The following RALGPS2 variants were observed in gnomAD, a reference collection of about 807,000 sequenced individuals.
RALGPS2 encodes ras-specific guanine nucleotide-releasing factor RalGPS2.
Under a neutral mutation model 86.8 loss-of-function variants are expected in RALGPS2, and 43 were observed. The ratio of observed to expected loss-of-function variants is 0.50; its 90% CI spans 0.39 to 0.64. RALGPS2 has a LOEUF of 0.64. Ranked by LOEUF, RALGPS2 falls within the 30% of genes least tolerant of loss-of-function variation. The pLI, the probability that RALGPS2 is intolerant of heterozygous loss-of-function variation, is 0.00. For missense variants in RALGPS2, 536 were observed against 694.6 expected (o/e 0.77, Z 2.57); for synonymous variants, 243 against 231.3 (o/e 1.05, Z -0.46).
chr1:178,805,520 A>G (rs1471651489), intron 4 of RALGPS2, among the ~76,000 whole-genome samples: 2 of 151,822 alleles, frequency 1.3e-5, no homozygotes, highest in South Asian at 2.1e-4. Flanking sequence ...TCCCAGCACC[A>G]TTTATTAAAT....
At chr1:178,853,344 A>G (rs1657306749) in intron 8 of RALGPS2, among the ~76,000 whole-genome samples, 1 of 152,154 alleles carries the variant, frequency 6.6e-6, no homozygotes, top group Admixed American at 6.5e-5. Context: ...ATCTTTGTAA[A>G]GTAGTAAGTA....
At chr1:178,835,379 T>C (rs1341909480) in intron 8 of RALGPS2, among the ~76,000 whole-genome samples, 1 of 151,224 alleles carries the variant, frequency 6.6e-6, no homozygotes, top group African/African-American at 2.4e-5. Context: ...CATTGTGATA[T>C]CTTCTTTCTT....
intron 8 of RALGPS2, among the ~76,000 whole-genome samples, chr1:178,835,266 T>G (rs1398335281): frequency 6.6e-6 from 1 of 152,242 alleles, no homozygotes. Context: ...CTACAGTCCT[T>G]ATTTTTCAAG....
At chr1:178,803,610 G>T (rs1654588959) in intron 4 of RALGPS2, among the ~76,000 whole-genome samples, 1 of 151,872 alleles carries the variant, frequency 6.6e-6, no homozygotes, top group Admixed American at 6.6e-5. Context: ...TTTTTTTACA[G>T]GGAGATAATA....
At chr1:178,873,904 G>C (rs1020362504) in intron 8 of RALGPS2, among the ~76,000 whole-genome samples, 1 of 151,346 alleles carries the variant, frequency 6.6e-6, no homozygotes. Context: ...TTTTTGAGAC[G>C]GAGTCTTGCT....
intron 8 of RALGPS2, among the ~76,000 whole-genome samples, chr1:178,837,517 G>A (rs1407947922): frequency 1.3e-5 from 2 of 152,104 alleles, no homozygotes; most frequent in East Asian, 3.9e-4. Context: ...GTGTCTGAGG[G>A]TTACCCAAGA....
intron 1 of RALGPS2, among the ~76,000 whole-genome samples, chr1:178,775,772 T>C (rs891967864): frequency 2.0e-5 from 3 of 152,136 alleles, no homozygotes; most frequent in Admixed American, 2.0e-4. Context: ...TTGGTAGTTG[T>C]GCAAATCAAC....
intron 4 of RALGPS2, among the ~76,000 whole-genome samples, chr1:178,806,622 T>C (rs189331348): frequency 6.6e-6 from 1 of 152,264 alleles, no homozygotes; most frequent in Admixed American, 6.5e-5. Context: ...TTCTAAAAGC[T>C]CTATTTTGTT....
chr1:178,875,599 C>T lies in RALGPS2; in HGVS notation c.608-1899C>T, dbSNP rs190515186. 2.0e-5 allele frequency among the ~76,000 whole-genome samples: 3 copies of T among 151,924 alleles called. No individual in the cohort carries two copies. In the East Asian group the frequency reaches 5.8e-4, roughly 29 times the overall value. ...CCCATCTCTACTAAAAATGCAAGAA[C>T]TACCCAGGCGTGGTTGCGCATGCCT... On this transcript the variant is annotated intron_variant, in intron 8 of 19. Transcript: ENST00000367635.
At chr1:178,799,491 TC>T (rs1204911044) in intron 4 of RALGPS2, among the ~76,000 whole-genome samples, 1 of 152,110 alleles carries the variant, frequency 6.6e-6, no homozygotes. Context: ...GGGTTTATGA[TC>T]AGGACTGCCC....
At chr1:178,826,216 G>GT in intron 7 of RALGPS2, among the ~76,000 whole-genome samples, 1 of 152,224 alleles carries the variant, frequency 6.6e-6, no homozygotes, top group South Asian at 2.1e-4. Flanking sequence ...TTTCACTGTT[G>GT]TATTCAACAT....
intron 19 of RALGPS2, among the ~76,000 whole-genome samples, chr1:178,909,884 C>T (rs1026834456): frequency 1.3e-5 from 2 of 151,890 alleles, no homozygotes; most frequent in South Asian, 2.1e-4. Flanking sequence ...CTCCTGACCT[C>T]GTGATCCACC....
At chr1:178,906,949 G>C (rs149379301) in intron 19 of RALGPS2, 82 bp downstream of exon 19, 2 of 1,225,170 alleles carry the variant, frequency 1.6e-6, no homozygotes, top group East Asian at 2.5e-5. Context: ...AAACAGACTA[G>C]TTCTGAATTA....
At chr1:178,894,493 G>T in intron 16 of RALGPS2, among the ~76,000 whole-genome samples, 1 of 152,056 alleles carries the variant, frequency 6.6e-6, no homozygotes, top group East Asian at 1.9e-4. Flanking sequence ...TAAGGAAGCA[G>T]TGGGGAGTGG....
chr1:178,854,689 TAA>T (rs1657411563), intron 8 of RALGPS2, among the ~76,000 whole-genome samples: 1 of 152,164 alleles, frequency 6.6e-6, no homozygotes, highest in African/African-American at 2.4e-5. Flanking sequence ...CAGAAGATGG[TAA>T]ACCCTAGATA....
At chr1:178,877,691 A>G in intron 9 of RALGPS2, 56 bp downstream of exon 9, 1 of 1,579,754 alleles carries the variant, frequency 6.3e-7, no homozygotes, top group Non-Finnish European at 8.7e-7. Flanking sequence ...CCAGTGATTT[A>G]TTTACACACA....
chr1:178,832,567 T>G (rs1656079023), intron 7 of RALGPS2, among the ~76,000 whole-genome samples: 2 of 152,096 alleles, frequency 1.3e-5, no homozygotes, highest in South Asian at 4.1e-4. Flanking sequence ...GTTAATCTCA[T>G]AGGAAAATTA....
intron 4 of RALGPS2, among the ~76,000 whole-genome samples, chr1:178,797,452 G>A (rs562849348): frequency 3.9e-5 from 6 of 151,902 alleles, no homozygotes; most frequent in Non-Finnish European, 7.4e-5. Flanking sequence ...TGGGAGTCCC[G>A]GTGCAATTTT....
intron 1 of RALGPS2, among the ~76,000 whole-genome samples, chr1:178,729,227 T>C (rs1572260274): frequency 6.6e-6 from 1 of 152,210 alleles, no homozygotes; most frequent in Non-Finnish European, 1.5e-5. Context: ...GAAAACCTTA[T>C]TAAATAGCAT....
Sources: gnomAD v4.1 joint callset for allele counts (sites outside exome capture counted in the v4.1 genomes callset) on GRCh38, gnomAD v4.1.1 for gene constraint, MANE v1.5 for transcripts, NCBI Gene and HGNC (gene_info 2026-07-23, HGNC 2026-07-21) for gene names.